The following PPIF variants were observed in gnomAD, a reference collection of about 807,000 sequenced individuals.
The protein encoded by PPIF is peptidylprolyl isomerase F, also known as peptidyl-prolyl cis-trans isomerase F, mitochondrial.
In PPIF, 23 loss-of-function variants were observed where a neutral mutation model predicts 20.2. The ratio of observed to expected loss-of-function variants is 1.14; its 90% confidence interval spans 0.82 to 1.61. PPIF has a LOEUF of 1.61. Ranked by LOEUF, PPIF falls within the 40% of genes most tolerant of loss-of-function variation. The pLI is 0.00. For missense variants in PPIF, 287 were observed against 291.6 expected, an observed-to-expected ratio of 0.98 and a Z score of 0.11; for synonymous variants, 113 against 123.1, an observed-to-expected ratio of 0.92 and a Z score of 0.54.
At chr10:79,349,615 C>T (rs1160925152) in intron 2 of PPIF, 50 bp from the exon 3 acceptor site, 3 of 1,609,980 alleles carry the variant, frequency 1.9e-6, no homozygotes, top group Admixed American at 3.3e-5. Flanking sequence ...GGGTATGACC[C>T]TGGAATTGGG....
At chr10:79,352,042 A>G (rs1038173380) in intron 4 of PPIF, among the ~76,000 whole-genome samples, 3 of 152,092 alleles carry the variant, frequency 2.0e-5, no homozygotes, top group African/African-American at 7.3e-5. Context: ...TCTGGAGGTC[A>G]GGTCCTGGGG....
intron 3 of PPIF, 173 bp downstream of exon 3, chr10:79,349,926 C>A (rs1032486475): frequency 1.4e-4 from 193 of 1,379,846 alleles, no homozygotes; most frequent in Middle Eastern, 2.6e-4. Context: ...CATGGAAGCC[C>A]AGCCCCAACC....
In PPIF at chr10:79,347,672, T is replaced by A; in HGVS notation, c.124T>A (p.Ser42Thr). 1 of 1,476,180 alleles carries A rather than the reference T, an allele frequency of 6.8e-7. No individual in the cohort carries two copies. The highest frequency in any genetic ancestry group is 9.0e-7 in the Non-Finnish European group (1 of 1,109,972). The allele number at this position is 1,476,180 out of a possible 1,614,324, so 91.4% of individuals were successfully genotyped here. A position where few individuals can be genotyped will look rare whatever the true frequency, so the allele number is the denominator to read the frequency against. Reference protein sequence around the residue: ...KGSGDPSSSSSSGNPLVYLDV... With the variant: ...KGSGDPSSSSTSGNPLVYLDV... ...CTCCGGCGACCCGTCCTCTTCCTCC[T>A]CCTCCGGGAACCCGCTCGTGTACCT... The change falls in exon 1 of 6, where the codon TCC becomes ACC. Residue 42 changes from serine (S) to threonine (T), a missense_variant. Transcript: ENST00000225174.
At chr10:79,353,133 G>A (rs1856003192) in intron 5 of PPIF, among the ~76,000 whole-genome samples, 1 of 152,256 alleles carries the variant, frequency 6.6e-6, no homozygotes, top group African/African-American at 2.4e-5. Flanking sequence ...GCAGGGCTGG[G>A]CAGGTCCTTG....
At position 79,347,488 on chromosome 10, in the gene PPIF, C is replaced by G; in HGVS notation, c.-61C>G. 1 of 1,253,420 alleles carries G rather than the reference C, an allele frequency of 8.0e-7. No individual in the cohort carries two copies. The highest frequency in any genetic ancestry group is 1.0e-6 in the Non-Finnish European group (1 of 999,784). 77.6% of individuals were successfully genotyped at this position (1,253,420 alleles called of 1,614,324 possible). The stretch of plus-strand genomic sequence containing the variant: ...CGCGGGACTCGGCCTTCTGGGCGCG[C>G]GCGACGTCAGTTTGAGTTCTGTGTT... On this transcript the variant is annotated 5_prime_UTR_variant, in exon 1 of 6. Transcript: ENST00000225174.
chr10:79,353,032 C>T (rs942790341), intron 5 of PPIF, among the ~76,000 whole-genome samples: 1 of 152,262 alleles, frequency 6.6e-6, no homozygotes, highest in Non-Finnish European at 1.5e-5. Flanking sequence ...TGGGAGCTGA[C>T]TTGGTAAAGC....
At position 79,347,548 on chromosome 10, in the gene PPIF, G is replaced by C; in HGVS notation, c.-1G>C. 7.7e-7 allele frequency: 1 copy of C among 1,303,336 alleles called. No individual in the cohort carries two copies. The highest frequency in any genetic ancestry group is 9.7e-7 in the Non-Finnish European group (1 of 1,030,620). 80.7% of individuals were successfully genotyped at this position (1,303,336 alleles called of 1,614,324 possible). A position where few individuals can be genotyped will look rare whatever the true frequency, so the allele number is the denominator to read the frequency against. ...CGTGTCCCGCCCGACCCGCGCCCGC[G>C]ATGCTGGCGCTGCGCTGCGGCTCCC... is the stretch of plus-strand genomic sequence containing the variant. On this transcript the variant is annotated 5_prime_UTR_variant, in exon 1 of 6. Transcript: ENST00000225174.
chr10:79,349,090 C>T lies in PPIF; in HGVS notation c.210C>T (p.Val70=), dbSNP rs377667818. ...GRVVLELKAD[V]VPKTAENFRA... Reference sequence around the variant, plus strand: ...TCCCCCAACAGCTGAAGGCAGATGTCGTCCCAAAGACAGCTGGTAAGACAG... The same window carrying T: ...TCCCCCAACAGCTGAAGGCAGATGTTGTCCCAAAGACAGCTGGTAAGACAG... Residue 70 remains valine, a synonymous_variant, in exon 2 of 6, where the codon GTC becomes GTT. Transcript: ENST00000225174. 95 of 1,614,002 alleles carry T rather than the reference C, an allele frequency of 5.9e-5. 1 individual carries two copies. The South Asian group carries it at 7.8e-4, about 13-fold the overall frequency.
intron 5 of PPIF, among the ~76,000 whole-genome samples, chr10:79,353,372 T>A (rs551303582): frequency 8.5e-5 from 13 of 152,316 alleles, no homozygotes; most frequent in African/African-American, 7.2e-5. Flanking sequence ...TGTATGGACT[T>A]CTTCTTTCTT....
chr10:79,351,573 C>T lies in PPIF; in HGVS notation c.402C>T (p.His134=), dbSNP rs557027861. The T allele has an allele frequency of 9.2e-5, 148 of 1,613,806 alleles. No homozygotes were observed. Among genetic ancestry groups the T allele is most frequent in the Non-Finnish European group, 7.7e-5 (91 of 1,179,822 alleles). Residue 134 remains histidine (H), a synonymous_variant, in exon 4 of 6, where the codon CAC becomes CAT. Transcript: ENST00000225174. ...CTGACGAGAACTTTACACTGAAGCA[C>T]GTGGGGCCAGGTGAGTGGGGGCCTC... The part of the protein sequence containing the change: ...RFPDENFTLK[H]VGPGVLSMAN...
At chr10:79,349,938 G>C in intron 3 of PPIF, 185 bp downstream of exon 3, 1 of 1,333,252 alleles carries the variant, frequency 7.5e-7, no homozygotes. Context: ...GCCCCAACCC[G>C]CTGCCACTCC....
chr10:79,348,876 C>T (rs1399111756), intron 1 of PPIF, among the ~76,000 whole-genome samples, 200 bp from the exon 2 acceptor site: 1 of 152,218 alleles, frequency 6.6e-6, no homozygotes, highest in East Asian at 1.9e-4. Flanking sequence ...GCCACCTCCT[C>T]CAGCCTTGGG....
At chr10:79,352,492 C>G in intron 5 of PPIF, 100 bp downstream of exon 5, 2 of 1,248,506 alleles carry the variant, frequency 1.6e-6, no homozygotes, top group South Asian at 2.5e-5. Flanking sequence ...GCCAGGCCTT[C>G]TGCTCTGGGA....
At chr10:79,352,453 C>T (rs1436179101) in intron 5 of PPIF, 61 bp downstream of exon 5, 8 of 1,550,924 alleles carry the variant, frequency 5.2e-6, no homozygotes, top group Admixed American at 3.3e-5. Context: ...GAGGAGGATT[C>T]GTGCACTTTT....
intron 3 of PPIF, among the ~76,000 whole-genome samples, chr10:79,351,120 A>ATG (rs1855976455): frequency 6.6e-6 from 1 of 152,122 alleles, no homozygotes; most frequent in Non-Finnish European, 1.5e-5. Flanking sequence ...TAGACTCGGG[A>ATG]ACTGGGGGGC....
At position 79,351,529 on chromosome 10, in the gene PPIF, A is replaced by G. The variant is rs779337248; in HGVS notation, c.358A>G (p.Ile120Val). Reference protein sequence around the residue: ...TNHNGTGGKSIYGSRFPDENF... With the variant: ...TNHNGTGGKSVYGSRFPDENF... ...CCACAATGGCACAGGCGGGAAGTCCATCTACGGAAGCCGCTTTCCTGACGA... is the reference window on the plus strand; with the variant it reads ...CCACAATGGCACAGGCGGGAAGTCCGTCTACGGAAGCCGCTTTCCTGACGA... The change falls in exon 4 of 6, where the codon ATC (isoleucine) becomes GTC (valine). Residue 120 changes from isoleucine to valine, a missense_variant. Transcript: ENST00000225174. The G allele has an allele frequency of 6.2e-7, 1 of 1,614,082 alleles. No homozygotes were observed. The highest frequency in any genetic ancestry group is 8.5e-7 in the Non-Finnish European group (1 of 1,179,982).
At chr10:79,350,708 C>T (rs945663757) in intron 3 of PPIF, among the ~76,000 whole-genome samples, 3 of 152,170 alleles carry the variant, frequency 2.0e-5, no homozygotes, top group Admixed American at 6.5e-5. Flanking sequence ...GCGGTGGCAC[C>T]GGGAGTCCAG....
chr10:79,351,698 T>C, intron 4 of PPIF, 115 bp downstream of exon 4: 1 of 900,780 alleles, frequency 1.1e-6, no homozygotes, highest in South Asian at 1.6e-5. Flanking sequence ...ATGAGTCTCC[T>C]TCCTCCCTGC....
At position 79,354,740 on chromosome 10, in the gene PPIF, G is replaced by C. The variant is rs896599133; in HGVS notation, c.*898G>C. ...GAAGACTGGTACCTGGTTTCTGGAAGAGGGGTCTGTGACTTGGAGCTGATC... is the reference window on the plus strand; with the variant it reads ...GAAGACTGGTACCTGGTTTCTGGAACAGGGGTCTGTGACTTGGAGCTGATC... On this transcript the variant is annotated 3_prime_UTR_variant, in exon 6 of 6. Transcript: ENST00000225174. 6.5e-6 allele frequency: 1 copy of C among 152,768 alleles called. No homozygotes were observed. The highest frequency in any genetic ancestry group is 1.5e-5 in the Non-Finnish European group (1 of 68,052). The allele number at this position is 152,768 out of a possible 1,614,324, so 9.5% of individuals were successfully genotyped here. A position where few individuals can be genotyped will look rare whatever the true frequency, so the allele number is the denominator to read the frequency against.
Sources: gnomAD v4.1 joint callset for allele counts (sites outside exome capture counted in the v4.1 genomes callset) on GRCh38, gnomAD v4.1.1 for gene constraint, MANE v1.5 for transcripts, NCBI Gene and HGNC (gene_info 2026-07-23, HGNC 2026-07-21) for gene names.